GALNTL6: variants seen among roughly 807,000 people sequenced by gnomAD.
GALNTL6 encodes the protein polypeptide N-acetylgalactosaminyltransferase like 6, also known as polypeptide N-acetylgalactosaminyltransferase-like 6.
Under a neutral mutation model 73.7 loss-of-function variants are expected in GALNTL6, and 46 were observed. That is an observed-to-expected ratio of 0.62 (90% CI 0.49 to 0.80). GALNTL6 has a LOEUF of 0.80. Among genes scored for constraint, GALNTL6 ranks in the 30% least tolerant of loss-of-function variants. The pLI, the probability that GALNTL6 is intolerant of heterozygous loss-of-function variation, is 0.00. For synonymous variants in GALNTL6, 259 were observed against 263.7 expected, an observed-to-expected ratio of 0.98 and a Z score of 0.17; for missense variants, 604 against 755.0, an observed-to-expected ratio of 0.80 and a Z score of 2.34.
intron 3 of GALNTL6, among the ~76,000 whole-genome samples, chr4:172,245,570 G>A (rs1737630513): frequency 6.6e-6 from 1 of 152,162 alleles, no homozygotes; most frequent in Non-Finnish European, 1.5e-5. Flanking sequence ...TATTTACAGA[G>A]AGTCTCCCAT....
chr4:171,824,767 C>T (rs1734779488), intron 2 of GALNTL6, among the ~76,000 whole-genome samples: 1 of 151,984 alleles, frequency 6.6e-6, no homozygotes, highest in Non-Finnish European at 1.5e-5. Context: ...CCATCAATGC[C>T]TCTTGATATT....
chr4:172,729,445 T>C (rs1736021674), intron 5 of GALNTL6, among the ~76,000 whole-genome samples: 2 of 152,324 alleles, frequency 1.3e-5, no homozygotes, highest in South Asian at 4.1e-4. Context: ...TTCTTCTACA[T>C]ATAGATAGTT....
chr4:172,446,580 A>T (rs1481181183), intron 5 of GALNTL6, among the ~76,000 whole-genome samples: 1 of 152,166 alleles, frequency 6.6e-6, no homozygotes, highest in Non-Finnish European at 1.5e-5. Context: ...TGCAAGAAAC[A>T]AGTGTTTTTT....
At chr4:172,911,210 G>C (rs190907683) in intron 8 of GALNTL6, among the ~76,000 whole-genome samples, 9 of 152,256 alleles carry the variant, frequency 5.9e-5, no homozygotes, top group Admixed American at 3.3e-4. Flanking sequence ...CTCATTTTAC[G>C]ATTTTACACT....
intron 5 of GALNTL6, among the ~76,000 whole-genome samples, chr4:172,627,663 A>G (rs929066416): frequency 1.3e-5 from 2 of 150,954 alleles, no homozygotes; most frequent in African/African-American, 4.9e-5. Context: ...TTACTAATTT[A>G]TTTATTCAAT....
intron 2 of GALNTL6, among the ~76,000 whole-genome samples, chr4:172,148,993 T>C (rs1733996225): frequency 6.6e-6 from 1 of 152,182 alleles, no homozygotes; most frequent in South Asian, 2.1e-4. Context: ...AGCTAAGGCT[T>C]GTCTATCAAT....
rs191790203 is a variant in GALNTL6 at position 172,570,149 on chromosome 4, C to T, written c.553+221460C>T. 1.6e-3 allele frequency among the ~76,000 whole-genome samples: 244 copies of T among 152,276 alleles called. 1 individual carries two copies. The highest frequency in any genetic ancestry group is 5.2e-3 in the African/African-American group (215 of 41,546). On this transcript the variant is annotated intron_variant, in intron 5 of 12. Transcript: ENST00000506823. ...CTGAGGCAGTTAAATCTTGGACAAG[C>T]TCCATGTTCAAGGAATGGGATGAGA... is the stretch of plus-strand genomic sequence containing the variant.
At chr4:172,830,255 A>C (rs1742550864) in intron 7 of GALNTL6, among the ~76,000 whole-genome samples, 1 of 152,210 alleles carries the variant, frequency 6.6e-6, no homozygotes, top group Admixed American at 6.5e-5. Flanking sequence ...AGTTTGAAAA[A>C]ATATATGCGA....
chr4:172,662,166 T>C (rs1044623584), intron 5 of GALNTL6, among the ~76,000 whole-genome samples: 8 of 152,136 alleles, frequency 5.3e-5, no homozygotes, highest in Admixed American at 2.6e-4. Flanking sequence ...AAAACTGCTT[T>C]ACTGTGGATA....
chr4:172,694,745 A>T (rs765537280), intron 5 of GALNTL6, among the ~76,000 whole-genome samples: 2 of 152,196 alleles, frequency 1.3e-5, no homozygotes, highest in African/African-American at 4.8e-5. Flanking sequence ...CCACCAAAGG[A>T]ATGTGCTCCC....
chr4:172,755,037 C>A (rs1251116510), intron 5 of GALNTL6, among the ~76,000 whole-genome samples: 1 of 152,040 alleles, frequency 6.6e-6, no homozygotes, highest in African/African-American at 2.4e-5. Flanking sequence ...GGGACTGAGC[C>A]TGCACTAGAG....
chr4:171,923,546 C>T (rs755174751), intron 2 of GALNTL6, among the ~76,000 whole-genome samples: 5 of 147,782 alleles, frequency 3.4e-5, no homozygotes, highest in South Asian at 4.4e-4. Context: ...TACAGGTGCC[C>T]GGCACCACTC....
At chr4:172,117,093 A>C (rs1418088012) in intron 2 of GALNTL6, among the ~76,000 whole-genome samples, 1 of 152,196 alleles carries the variant, frequency 6.6e-6, no homozygotes, top group African/African-American at 2.4e-5. Context: ...CAGAATAATA[A>C]AAATTGAGTA....
Position 171,858,653 on chromosome 4 carries a change from T to C in GALNTL6, c.138+43935T>C, listed in dbSNP as rs906548538. Among the ~76,000 whole-genome samples, 12 of 152,240 alleles carry C rather than the reference T, an allele frequency of 7.9e-5. 1 individual carries two copies. Among genetic ancestry groups the C allele is most frequent in the Admixed American group, 3.3e-4 (5 of 15,282 alleles). ...CCATATATTTACATACAAATTAAAC[T>C]TTTTACATGTACTTCTTTCACACAC... is the stretch of plus-strand genomic sequence containing the variant. On this transcript the variant is annotated intron_variant, in intron 2 of 12. Transcript: ENST00000506823.
At chr4:172,115,732 G>A (rs1732968017) in intron 2 of GALNTL6, among the ~76,000 whole-genome samples, 3 of 152,102 alleles carry the variant, frequency 2.0e-5, no homozygotes, top group Admixed American at 2.0e-4. Flanking sequence ...ATGGATCGTG[G>A]AACAGTAAGC....
At chr4:172,097,095 G>A (rs1168471629) in intron 2 of GALNTL6, among the ~76,000 whole-genome samples, 1 of 152,072 alleles carries the variant, frequency 6.6e-6, no homozygotes, top group East Asian at 1.9e-4. Context: ...GTGTGTAGAG[G>A]AGTGGTCCTT....
intron 3 of GALNTL6, among the ~76,000 whole-genome samples, chr4:172,243,252 G>A (rs1737510183): frequency 6.6e-6 from 1 of 152,018 alleles, no homozygotes; most frequent in South Asian, 2.1e-4. Flanking sequence ...CCTTCCTTAA[G>A]GTCACCAGAT....
intron 3 of GALNTL6, among the ~76,000 whole-genome samples, chr4:172,295,003 AATAT>A (rs1739616101): frequency 6.6e-6 from 1 of 152,326 alleles, no homozygotes; most frequent in Admixed American, 6.5e-5. Context: ...ATCTTTTTAA[AATAT>A]ATAGATTCAG....
chr4:172,587,701 T>C (rs1737467618), intron 5 of GALNTL6, among the ~76,000 whole-genome samples: 1 of 152,204 alleles, frequency 6.6e-6, no homozygotes, highest in Non-Finnish European at 1.5e-5. Context: ...CCTTCCAGGA[T>C]CGGCTCTAGC....
Sources: allele counts gnomAD v4.1 joint callset (sites outside exome capture counted in the v4.1 genomes callset), GRCh38; gene constraint gnomAD v4.1.1; transcripts MANE v1.5; gene names NCBI Gene and HGNC (gene_info 2026-07-23, HGNC 2026-07-21).